Variants in MED13L observed in about 807,000 individuals in gnomAD.
MED13L encodes the protein mediator of RNA polymerase II transcription subunit 13-like.
MED13L carries 7 observed loss-of-function variants against 220.9 expected under a neutral mutation model. That is an observed-to-expected ratio of 0.03 (90% CI 0.02 to 0.06). The LOEUF (loss-of-function observed/expected upper bound fraction) is 0.06. Among genes scored for constraint, MED13L ranks in the 10% least tolerant of loss-of-function variants. The pLI, the probability that MED13L is intolerant of heterozygous loss-of-function variation, is 1.00. For synonymous variants in MED13L, 1,011 were observed against 1,015.2 expected (o/e 1.00, Z 0.08); for missense variants, 1,965 against 2,760.5 (o/e 0.71, Z 6.46).
intron 2 of MED13L, among the ~76,000 whole-genome samples, chr12:116,166,982 T>C (rs1879327511): frequency 6.6e-6 from 1 of 152,212 alleles, no homozygotes; most frequent in African/African-American, 2.4e-5. Flanking sequence ...GATCAAATTT[T>C]TCATCCTTTG....
At chr12:116,106,887 G>A (rs907026135) in intron 3 of MED13L, among the ~76,000 whole-genome samples, 2 of 151,850 alleles carry the variant, frequency 1.3e-5, no homozygotes, top group Non-Finnish European at 2.9e-5. Context: ...TATAGAAAGG[G>A]ATTCCATGAT....
chr12:116,277,034 C>G, intron 1 of MED13L, 26 bp downstream of exon 1: 1 of 1,557,524 alleles, frequency 6.4e-7, no homozygotes, highest in Non-Finnish European at 8.7e-7. Context: ...CCGGCACAGC[C>G]CCCTCCCCGC....
chr12:116,275,242 C>G (rs1873714338), intron 1 of MED13L, among the ~76,000 whole-genome samples: 1 of 152,016 alleles, frequency 6.6e-6, no homozygotes, highest in Admixed American at 6.5e-5. Flanking sequence ...GTCCCTGAAC[C>G]TGACTGATAC....
At chr12:116,207,273 T>A (rs1345605256) in intron 2 of MED13L, among the ~76,000 whole-genome samples, 2 of 152,022 alleles carry the variant, frequency 1.3e-5, no homozygotes. Context: ...AATGCTGGGA[T>A]TACACATGTG....
At chr12:116,016,330 T>C (rs773142636) in intron 7 of MED13L, among the ~76,000 whole-genome samples, 13 of 152,146 alleles carry the variant, frequency 8.5e-5, no homozygotes, top group Non-Finnish European at 1.3e-4. Context: ...GCTTATATTC[T>C]AAGGAAATGA....
At chr12:115,993,535 G>A (rs1053772665) in intron 16 of MED13L, among the ~76,000 whole-genome samples, 1 of 151,640 alleles carries the variant, frequency 6.6e-6, no homozygotes, top group Non-Finnish European at 1.5e-5. Flanking sequence ...AGGCACAGTG[G>A]TATCTTTGAG....
intron 2 of MED13L, among the ~76,000 whole-genome samples, chr12:116,190,997 CAGA>C (rs1384252645): frequency 6.7e-6 from 1 of 150,182 alleles, no homozygotes; most frequent in Non-Finnish European, 1.5e-5. Flanking sequence ...GATGCTGAGA[CAGA>C]AGAAGTGCTT....
rs75771421 is a variant in MED13L at position 116,177,749 on chromosome 12, TAA to T, written c.310+59717_310+59718del. 7.2e-5 allele frequency among the ~76,000 whole-genome samples: 11 copies of T among 152,298 alleles called. No individual in the cohort carries two copies. In the East Asian group the frequency reaches 1.3e-3, roughly 19 times the overall value. On this transcript the variant is annotated intron_variant, in intron 2 of 30. Coordinates refer to ENST00000281928, the MANE Select transcript of MED13L (RefSeq NM_015335.5). ...ACCTATGAGGAAAAAGGTAACACAT[TAA>T]AAGAGTTCACTGTCATACTCAGAAA...
At chr12:116,185,657 T>G (rs987130096) in intron 2 of MED13L, among the ~76,000 whole-genome samples, 1 of 1,144 alleles carries the variant, frequency 8.7e-4, no homozygotes, top group African/African-American at 3.9e-3. Context: ...CACATGCTTT[T>G]CTTTTCTTTT....
intron 4 of MED13L, among the ~76,000 whole-genome samples, chr12:116,032,883 AG>A (rs1215758892): frequency 6.6e-6 from 1 of 152,158 alleles, no homozygotes; most frequent in Non-Finnish European, 1.5e-5. Context: ...AGTGACAGGA[AG>A]GAGGAGAGGA....
At chr12:116,142,155 T>C (rs993440462) in intron 2 of MED13L, among the ~76,000 whole-genome samples, 1 of 152,182 alleles carries the variant, frequency 6.6e-6, no homozygotes, top group African/African-American at 2.4e-5. Flanking sequence ...TGCTTCATTT[T>C]TCTCCATGTC....
chr12:116,185,874 T>C (rs1287437083), intron 2 of MED13L, among the ~76,000 whole-genome samples: 1 of 152,112 alleles, frequency 6.6e-6, no homozygotes, highest in East Asian at 1.9e-4. Context: ...GTTTGTATTT[T>C]TGGTAGACTC....
At chr12:116,100,261 A>G (rs1250528906) in intron 3 of MED13L, among the ~76,000 whole-genome samples, 1 of 152,130 alleles carries the variant, frequency 6.6e-6, no homozygotes, top group Non-Finnish European at 1.5e-5. Context: ...AGAGGCACAA[A>G]GTCCTTGGTT....
At chr12:116,206,186 T>C (rs1882319272) in intron 2 of MED13L, among the ~76,000 whole-genome samples, 1 of 149,454 alleles carries the variant, frequency 6.7e-6, no homozygotes, top group Non-Finnish European at 1.5e-5. Flanking sequence ...GTTCAAGCAG[T>C]TCTCCTGCCT....
intron 4 of MED13L, among the ~76,000 whole-genome samples, chr12:116,043,001 G>A (rs1206395318): frequency 6.6e-6 from 1 of 151,582 alleles, no homozygotes; most frequent in Non-Finnish European, 1.5e-5. Context: ...CTCACAGAAC[G>A]TAAACTTTTA....
At chr12:116,102,697 CTTTT>C (rs200752610) in intron 3 of MED13L, among the ~76,000 whole-genome samples, 1 of 73,274 alleles carries the variant, frequency 1.4e-5, no homozygotes, top group Non-Finnish European at 2.9e-5. Context: ...TTTTCTTTTT[CTTTT>C]TCTTTTTTCT....
chr12:116,120,440 TTCTCTCTC>T (rs67306353), intron 2 of MED13L, among the ~76,000 whole-genome samples: 4,120 of 97,740 alleles, frequency 0.042, 57 homozygotes, highest in Non-Finnish European at 0.045. Flanking sequence ...TAATCTCTCT[TTCTCTCTC>T]TCTCTCTCTC....
chr12:116,061,192 T>C (rs1450125997), intron 4 of MED13L, among the ~76,000 whole-genome samples: 1 of 152,218 alleles, frequency 6.6e-6, no homozygotes, highest in African/African-American at 2.4e-5. Flanking sequence ...TTTAACTTTC[T>C]TTTTTAAGTC....
chr12:116,022,557 C>T lies in MED13L; in HGVS notation c.524G>A (p.Ser175Asn). The T allele has an allele frequency of 6.2e-7, 1 of 1,613,130 alleles. No individual in the cohort carries two copies. The highest frequency in any genetic ancestry group is 8.5e-7 in the Non-Finnish European group (1 of 1,179,640). Reference protein sequence around the residue: ...CAFTFFLHGESNVCTSVEIAQ... With the variant: ...CAFTFFLHGENNVCTSVEIAQ... ...AATCTCCACACTTGTGCATACATTA[C>T]TTTCTCCATGCAGAAAGAATGTGAA... is the stretch of plus-strand genomic sequence containing the variant. The change falls in exon 5 of 31, where the codon AGT becomes AAT. Residue 175 changes from serine (S) to asparagine (N), a missense_variant. By Grantham distance (46) the Ser-to-Asn change is conservative. Coordinates refer to ENST00000281928, the MANE Select transcript of MED13L (RefSeq NM_015335.5).
Sources: gnomAD v4.1 joint callset for allele counts (sites outside exome capture counted in the v4.1 genomes callset) on GRCh38, gnomAD v4.1.1 for gene constraint, MANE v1.5 for transcripts, NCBI Gene and HGNC (gene_info 2026-07-23, HGNC 2026-07-21) for gene names.